NHEJ1: variants seen among roughly 807,000 people sequenced by gnomAD.
NHEJ1 encodes the protein non-homologous end-joining factor 1.
Under a neutral mutation model 39.4 loss-of-function variants are expected in NHEJ1, and 22 were observed. That is an observed-to-expected ratio of 0.56 (90% CI 0.40 to 0.80). The LOEUF (loss-of-function observed/expected upper bound fraction) is 0.80, where lower values mean the gene tolerates loss of function less well. Among genes scored for constraint, NHEJ1 ranks in the 30% least tolerant of loss-of-function variants. NHEJ1 has a pLI of 0.00. For missense variants in NHEJ1, 329 were observed against 357.1 expected, an observed-to-expected ratio of 0.92 and a Z score of 0.63; for synonymous variants, 154 against 135.6, an observed-to-expected ratio of 1.14 and a Z score of -0.94.
In NHEJ1 at chr2:219,074,767, C is replaced by A. The variant is rs2106317809; in HGVS notation, c.*1614G>T. Among the ~76,000 whole-genome samples the A allele has an allele frequency of 6.6e-6, 1 of 151,356 alleles. No individual in the cohort carries two copies. Among genetic ancestry groups the A allele is most frequent in the East Asian group, 1.9e-4 (1 of 5,158 alleles). On this transcript the variant is annotated 3_prime_UTR_variant, in exon 8 of 8. Transcript: ENST00000356853. ...AAAAAAAAAAAAAGTAACAAAAGAG[C>A]AAAGTAAGCCAGCTGATAGGCTGTT...
At chr2:219,150,777 G>A (rs1022020185) in intron 3 of NHEJ1, among the ~76,000 whole-genome samples, 7 of 152,082 alleles carry the variant, frequency 4.6e-5, no homozygotes, top group Non-Finnish European at 1.0e-4. Flanking sequence ...CCAACACGGT[G>A]AAACCCCGTC....
chr2:219,146,248 C>T (rs532833978), intron 5 of NHEJ1, among the ~76,000 whole-genome samples: 11 of 152,240 alleles, frequency 7.2e-5, no homozygotes, highest in African/African-American at 2.4e-4. Context: ...AAGACAGCCC[C>T]CAAATGGTAG....
intron 1 of NHEJ1, among the ~76,000 whole-genome samples, chr2:219,159,513 T>TTATATATA (rs34180222): frequency 1.1e-5 from 1 of 90,090 alleles, no homozygotes; most frequent in African/African-American, 4.4e-5. Context: ...TGACATAACT[T>TTATATATA]TATATATATA....
intron 5 of NHEJ1, among the ~76,000 whole-genome samples, chr2:219,088,417 C>T (rs925834892): frequency 3.3e-5 from 5 of 151,858 alleles, no homozygotes; most frequent in African/African-American, 7.3e-5. Context: ...TGCTTGAGCC[C>T]GGGAGTTCAA....
chr2:219,077,150 G>T, intron 7 of NHEJ1, 96 bp downstream of exon 7: 1 of 883,366 alleles, frequency 1.1e-6, no homozygotes, highest in Middle Eastern at 3.1e-4. Context: ...TATTTTTGAG[G>T]CAGTGCCAAT....
intron 5 of NHEJ1, among the ~76,000 whole-genome samples, chr2:219,095,985 C>T (rs1042013553): frequency 1.3e-5 from 2 of 151,952 alleles, no homozygotes; most frequent in Non-Finnish European, 2.9e-5. Context: ...AAGCATTCTA[C>T]ATCATCAAGA....
intron 5 of NHEJ1, among the ~76,000 whole-genome samples, chr2:219,089,173 C>T (rs918914371): frequency 3.3e-5 from 5 of 152,068 alleles, no homozygotes; most frequent in African/African-American, 7.2e-5. Flanking sequence ...TGGAAAACAG[C>T]GAGGTAGTTA....
intron 3 of NHEJ1, 128 bp downstream of exon 3, chr2:219,157,344 A>T: frequency 1.3e-6 from 1 of 767,628 alleles, no homozygotes; most frequent in Non-Finnish European, 2.2e-6. Context: ...CCTTCTGTTT[A>T]GTCAAGGAAA....
At chr2:219,156,031 C>T (rs1023272230) in intron 3 of NHEJ1, among the ~76,000 whole-genome samples, 5 of 151,890 alleles carry the variant, frequency 3.3e-5, no homozygotes, top group African/African-American at 2.4e-5. Context: ...GGGTGGATCA[C>T]GAGGTCAGGA....
intron 5 of NHEJ1, among the ~76,000 whole-genome samples, chr2:219,121,387 T>C (rs1229697289): frequency 6.6e-6 from 1 of 152,216 alleles, no homozygotes. Flanking sequence ...TAATTTTCCA[T>C]ATTTAAAAGA....
At chr2:219,122,806 C>T (rs968085960) in intron 5 of NHEJ1, among the ~76,000 whole-genome samples, 1 of 152,188 alleles carries the variant, frequency 6.6e-6, no homozygotes, top group Non-Finnish European at 1.5e-5. Context: ...ATATTAACAA[C>T]ACCCTGTGGC....
rs1164494944 is a variant in NHEJ1, at chr2:219,071,090, C to T, written c.*5291G>A. Among the ~76,000 whole-genome samples, 1 of 152,184 alleles carries T rather than the reference C, an allele frequency of 6.6e-6. No homozygotes were observed. Among genetic ancestry groups the T allele is most frequent in the Non-Finnish European group, 1.5e-5 (1 of 68,024 alleles). Reference sequence around the variant, plus strand: ...TTGAGTAAGGGCTGTCTTTACCATGCATGATTCCCAACAGCACTGCTCTTG... The same window carrying T: ...TTGAGTAAGGGCTGTCTTTACCATGTATGATTCCCAACAGCACTGCTCTTG... On this transcript the variant is annotated 3_prime_UTR_variant, in exon 8 of 8. Transcript: ENST00000356853.
chr2:219,148,146 C>A (rs187873124), intron 3 of NHEJ1, among the ~76,000 whole-genome samples: 11 of 152,276 alleles, frequency 7.2e-5, no homozygotes, highest in Middle Eastern at 3.4e-3. Flanking sequence ...GTAATCCCAG[C>A]CACTCGAGAG....
intron 1 of NHEJ1, among the ~76,000 whole-genome samples, chr2:219,159,540 T>TATATATGC (rs1559206146): frequency 0.036 from 1,194 of 33,006 alleles, 80 homozygotes; most frequent in Non-Finnish European, 0.051. Context: ...TATATATGCA[T>TATATATGC]ATATATATAT....
At chr2:219,137,654 C>A (rs1432207972) in intron 5 of NHEJ1, among the ~76,000 whole-genome samples, 1 of 147,762 alleles carries the variant, frequency 6.8e-6, no homozygotes, top group Non-Finnish European at 1.5e-5. Context: ...ACATTTAAGG[C>A]CCCCACAATT....
At chr2:219,083,664 C>T (rs148793308) in intron 5 of NHEJ1, among the ~76,000 whole-genome samples, 1 of 152,212 alleles carries the variant, frequency 6.6e-6, no homozygotes, top group African/African-American at 2.4e-5. Flanking sequence ...TCAAGACTAA[C>T]AACATTTACA....
chr2:219,099,732 G>A (rs1281378968), intron 5 of NHEJ1, among the ~76,000 whole-genome samples: 1 of 150,524 alleles, frequency 6.6e-6, no homozygotes, highest in East Asian at 1.9e-4. Flanking sequence ...CAGCCACCGT[G>A]TGAGAGTGCG....
chr2:219,117,509 A>G (rs1949426478), intron 5 of NHEJ1, among the ~76,000 whole-genome samples: 1 of 152,248 alleles, frequency 6.6e-6, no homozygotes, highest in Admixed American at 6.5e-5. Context: ...CCAGGCTCAG[A>G]GAATCAGCCA....
intron 5 of NHEJ1, among the ~76,000 whole-genome samples, chr2:219,080,614 C>A (rs1949055369): frequency 3.4e-5 from 3 of 89,088 alleles, no homozygotes; most frequent in Admixed American, 1.1e-4. Context: ...TATATATAAG[C>A]TTATATATAT....
Sources: gnomAD v4.1 joint callset for allele counts (sites outside exome capture counted in the v4.1 genomes callset) on GRCh38, gnomAD v4.1.1 for gene constraint, MANE v1.5 for transcripts, NCBI Gene and HGNC (gene_info 2026-07-23, HGNC 2026-07-21) for gene names.